Variants in PRR14L observed in about 807,000 individuals in gnomAD.
The protein encoded by PRR14L is protein PRR14L.
Under a neutral mutation model 155.0 loss-of-function variants are expected in PRR14L, and 80 were observed. The observed-to-expected ratio is 0.52, with a 90% CI of 0.43 to 0.62. The LOEUF (loss-of-function observed/expected upper bound fraction) is 0.62, where lower values mean the gene tolerates loss of function less well. Ranked by LOEUF, PRR14L falls within the 20% of genes least tolerant of loss-of-function variation. PRR14L has a pLI of 0.00. For synonymous variants in PRR14L, 883 were observed against 916.0 expected, an observed-to-expected ratio of 0.96 and a Z score of 0.65; for missense variants, 2,469 against 2,548.0, an observed-to-expected ratio of 0.97 and a Z score of 0.67.
In PRR14L at chr22:31,714,384, C is replaced by T. The variant is rs2074641854; in HGVS notation, c.3455G>A (p.Cys1152Tyr). 6.4e-7 allele frequency: 1 copy of T among 1,551,582 alleles called. No individual in the cohort carries two copies. The highest frequency in any genetic ancestry group is 8.7e-7 in the Non-Finnish European group (1 of 1,147,008). Residue 1152 changes from cysteine (C) to tyrosine (Y), a missense_variant, in exon 4 of 9, where the codon TGT becomes TAT. By Grantham distance (194) the Cys-to-Tyr change is radical. Transcript: ENST00000327423. ...DCEMEKCPDS[C>Y]AHEMESVADH... is the part of the protein sequence containing the mutation. ...TGCAACAGACTCCATCTCATGGGCA[C>T]AAGAGTCTGGACACTTTTCCATTTC...
chr22:31,716,128 A>G lies in PRR14L; in HGVS notation c.1711T>C (p.Ser571Pro). ...TCCTCTGGCATTAAACTCACAATGG[A>G]TTTTCTTTCAAACAGAAAATCATTA... ...SCNDFLFERK[S>P]IVSLMPEDQI... The change falls in exon 4 of 9, where the codon TCC becomes CCC. Residue 571 changes from serine (S) to proline (P), a missense_variant. By Grantham distance (74) the Ser-to-Pro change is moderately conservative. This residue lies in a region of PRR14L where 2,363 missense variants were observed against 2,371.6 expected (regional missense o/e 1.00). Coordinates refer to ENST00000327423, the MANE Select transcript of PRR14L (RefSeq NM_173566.3). 6.4e-7 allele frequency: 1 copy of G among 1,551,358 alleles called. No individual in the cohort carries two copies. Among genetic ancestry groups the G allele is most frequent in the South Asian group, 1.2e-5 (1 of 84,054 alleles).
chr22:31,749,421 C>G (rs921122043), intron 1 of PRR14L, among the ~76,000 whole-genome samples: 12 of 152,066 alleles, frequency 7.9e-5, no homozygotes, highest in Non-Finnish European at 1.5e-4. Flanking sequence ...TCTTCCTCTC[C>G]GTATCTTGGG....
At chr22:31,726,207 T>C (rs1372589244) in intron 2 of PRR14L, among the ~76,000 whole-genome samples, 1 of 151,898 alleles carries the variant, frequency 6.6e-6, no homozygotes, top group Non-Finnish European at 1.5e-5. Flanking sequence ...GTCAGCTCAC[T>C]GCAACTTCTG....
chr22:31,735,374 G>C (rs2074773451), intron 2 of PRR14L, among the ~76,000 whole-genome samples: 1 of 151,634 alleles, frequency 6.6e-6, no homozygotes, highest in African/African-American at 2.4e-5. Flanking sequence ...CTGGGAGGTG[G>C]AGCTTGCAGT....
At position 31,715,370 on chromosome 22, in the gene PRR14L, T is replaced by G. The variant is rs1042197072; in HGVS notation, c.2469A>C (p.Lys823Asn). 2.3e-5 allele frequency: 36 copies of G among 1,552,038 alleles called. No individual in the cohort carries two copies. The highest frequency in any genetic ancestry group is 3.1e-5 in the Non-Finnish European group (35 of 1,147,102). The change falls in exon 4 of 9, where the codon AAA becomes AAC. Residue 823 changes from lysine (K) to asparagine (N), a missense_variant. Coordinates refer to ENST00000327423, the MANE Select transcript of PRR14L (RefSeq NM_173566.3). ...CACGGTGCTGAAATGCATTTTCATA[T>G]TTTGTTATCAAAGAGTTATCAACTT... ...SLQVDNSLITKYENAFQHRDH... is the reference protein window; with the variant it reads ...SLQVDNSLITNYENAFQHRDH...
intron 1 of PRR14L, among the ~76,000 whole-genome samples, chr22:31,740,562 T>C (rs1050035623): frequency 6.6e-6 from 1 of 151,824 alleles, no homozygotes; most frequent in Non-Finnish European, 1.5e-5. Context: ...AGTTTTGATA[T>C]GTTGTCCAGG....
At position 31,715,622 on chromosome 22, in the gene PRR14L, G is replaced by T; in HGVS notation, c.2217C>A (p.Ser739Arg). The change falls in exon 4 of 9, where the codon AGC (serine) becomes AGA (arginine). Residue 739 changes from serine to arginine, a missense_variant. By Grantham distance (110) the Ser-to-Arg change is moderately radical. Coordinates refer to ENST00000327423, the MANE Select transcript of PRR14L (RefSeq NM_173566.3). ...CAGCCATTTCCTTTTTTCTCTCTAG[G>T]CTTACTGGTTTGATGTTTAAGGTGG... is the stretch of plus-strand genomic sequence containing the variant. ...NCPTLNIKPV[S>R]LERKKEMADS... 6.4e-7 allele frequency: 1 copy of T among 1,552,026 alleles called. No individual in the cohort carries two copies. Among genetic ancestry groups the T allele is most frequent in the South Asian group, 1.2e-5 (1 of 84,064 alleles).
rs149549190 is a variant in PRR14L, at chr22:31,708,405, T to C, written c.5756+3678A>G. On this transcript the variant is annotated intron_variant, in intron 4 of 8. Coordinates refer to ENST00000327423, the MANE Select transcript of PRR14L (RefSeq NM_173566.3). ...GCAGTGGTGCGATCTTGGCTCACCC[T>C]AACCTCTGCCTCCTGGGTTCAAGCA... Among the ~76,000 whole-genome samples, 903 of 150,816 alleles carry C rather than the reference T, an allele frequency of 6.0e-3. 9 individuals carry two copies. Among genetic ancestry groups the C allele is most frequent in the African/African-American group, 0.02 (805 of 40,962 alleles).
intron 5 of PRR14L, among the ~76,000 whole-genome samples, chr22:31,704,270 A>C (rs897876182): frequency 1.3e-5 from 2 of 152,218 alleles, no homozygotes; most frequent in Non-Finnish European, 2.9e-5. Flanking sequence ...GAAAAATGTA[A>C]AAAGGAACAG....
At chr22:31,698,592 A>AT (rs2074547037) in intron 7 of PRR14L, among the ~76,000 whole-genome samples, 2 of 151,656 alleles carry the variant, frequency 1.3e-5, no homozygotes, top group Non-Finnish European at 2.9e-5. Context: ...TTTAGTTCTG[A>AT]TTTTTACAAT....
intron 1 of PRR14L, among the ~76,000 whole-genome samples, chr22:31,741,354 C>T (rs1451002485): frequency 3.3e-5 from 5 of 151,168 alleles, no homozygotes; most frequent in African/African-American, 4.9e-5. Context: ...CCCAGCTACT[C>T]GGGAGGCTGA....
intron 2 of PRR14L, among the ~76,000 whole-genome samples, chr22:31,726,287 T>C (rs1365731022): frequency 2.0e-5 from 3 of 151,720 alleles, no homozygotes; most frequent in Admixed American, 1.3e-4. Context: ...CCCACCACTA[T>C]GCCTAGCTAA....
intron 1 of PRR14L, among the ~76,000 whole-genome samples, chr22:31,742,027 A>C (rs1041563976): frequency 6.6e-6 from 1 of 152,292 alleles, no homozygotes; most frequent in East Asian, 1.9e-4. Context: ...AGTAGAGATA[A>C]CGTGGAGTTG....
chr22:31,717,244 C>T lies in PRR14L; in HGVS notation c.595G>A (p.Val199Ile). The T allele has an allele frequency of 6.4e-7, 1 of 1,551,458 alleles. No individual in the cohort carries two copies. Among genetic ancestry groups the T allele is most frequent in the Non-Finnish European group, 8.7e-7 (1 of 1,146,864 alleles). Residue 199 changes from valine to isoleucine, a missense_variant, in exon 4 of 9, where the codon GTA becomes ATA. Physicochemically the swap from Val to Ile is conservative, Grantham distance 29 (BLOSUM62 3). Coordinates refer to ENST00000327423, the MANE Select transcript of PRR14L (RefSeq NM_173566.3). ...TAETLLKSAE[V>I]QGMKVNGTKT... Reference sequence around the variant, plus strand: ...GTCCCATTGACCTTCATACCTTGTACTTCGGCGGATTTTAGCAGAGTTTCA... The same window carrying T: ...GTCCCATTGACCTTCATACCTTGTATTTCGGCGGATTTTAGCAGAGTTTCA...
At position 31,712,064 on chromosome 22, in the gene PRR14L, A is replaced by G. The variant is rs1261807562; in HGVS notation, c.5756+19T>C. 1 of 1,590,716 alleles carries G rather than the reference A, an allele frequency of 6.3e-7. No homozygotes were observed. ...AAGCAAATATGGGACATTTGTAAAG[A>G]ACAGGGGACAGATTTTACCTGCTTG... On this transcript the variant is annotated intron_variant, in intron 4 of 8. Coordinates refer to ENST00000327423, the MANE Select transcript of PRR14L (RefSeq NM_173566.3).
intron 1 of PRR14L, among the ~76,000 whole-genome samples, chr22:31,748,354 G>A (rs901761902): frequency 6.6e-6 from 1 of 152,170 alleles, no homozygotes; most frequent in East Asian, 1.9e-4. Flanking sequence ...AACATGGAGC[G>A]TGCAGAAAAT....
intron 3 of PRR14L, among the ~76,000 whole-genome samples, chr22:31,718,506 G>T (rs1031565719): frequency 1.3e-5 from 2 of 150,544 alleles, no homozygotes; most frequent in Non-Finnish European, 3.0e-5. Flanking sequence ...CGCCCACCTT[G>T]GCCTTCCAAA....
Position 31,713,682 on chromosome 22 carries a change from G to A in PRR14L, c.4157C>T (p.Ala1386Val). ...HFKCRGILNH[A>V]EKQQSPEVLD... ...AACCTCAGGGCTCTGCTGTTTTTCA[G>A]CATGATTAAGTATCCCCCGGCATTT... Residue 1386 changes from alanine (A) to valine (V), a missense_variant, in exon 4 of 9, where the codon GCT becomes GTT. By Grantham distance (64) the Ala-to-Val change is moderately conservative (BLOSUM62 0). Around this residue, in one of 2 missense-constraint regions of PRR14L, gnomAD observed 2,363 missense variants for 2,371.6 expected, o/e 1.00. Coordinates refer to ENST00000327423, the MANE Select transcript of PRR14L (RefSeq NM_173566.3). The A allele has an allele frequency of 6.4e-7, 1 of 1,552,122 alleles. No homozygotes were observed. The highest frequency in any genetic ancestry group is 1.4e-5 in the African/African-American group (1 of 73,134).
At chr22:31,731,432 G>C (rs938613939) in intron 2 of PRR14L, among the ~76,000 whole-genome samples, 6 of 151,822 alleles carry the variant, frequency 4.0e-5, no homozygotes, top group African/African-American at 1.2e-4. Context: ...GCCAGGCCTG[G>C]TGGTATGAGC....
Sources: gnomAD v4.1 joint callset for allele counts (sites outside exome capture counted in the v4.1 genomes callset) on GRCh38, gnomAD v4.1.1 for gene constraint, gnomAD v4.1.1 regional missense constraint, MANE v1.5 for transcripts, NCBI Gene and HGNC (gene_info 2026-07-23, HGNC 2026-07-21) for gene names.